Variants in SMYD3 observed in about 807,000 individuals in gnomAD.
SMYD3 encodes the protein SET and MYND domain containing 3.
SMYD3 carries 36 observed loss-of-function variants against 57.7 expected under a neutral mutation model. That is an observed-to-expected ratio of 0.62 (90% CI 0.48 to 0.82). The LOEUF (loss-of-function observed/expected upper bound fraction) is 0.82. SMYD3 is among the 40% of genes least tolerant of loss of function. The pLI, the probability that SMYD3 is intolerant of heterozygous loss-of-function variation, is 0.00. For synonymous variants in SMYD3, 211 were observed against 195.0 expected, an observed-to-expected ratio of 1.08 and a Z score of -0.68; for missense variants, 515 against 538.8, an observed-to-expected ratio of 0.96 and a Z score of 0.44.
intron 5 of SMYD3, among the ~76,000 whole-genome samples, chr1:246,180,178 T>A (rs1408337177): frequency 6.8e-6 from 1 of 148,066 alleles, no homozygotes; most frequent in African/African-American, 2.5e-5. Flanking sequence ...AAAATATATA[T>A]CTACATATAG....
chr1:246,114,091 A>G (rs2061302830), intron 5 of SMYD3, among the ~76,000 whole-genome samples: 1 of 152,122 alleles, frequency 6.6e-6, no homozygotes, highest in African/African-American at 2.4e-5. Flanking sequence ...GAACCCCATT[A>G]TCAGGAGGAG....
intron 7 of SMYD3, among the ~76,000 whole-genome samples, chr1:245,921,067 T>C (rs1028988632): frequency 2.0e-5 from 3 of 152,078 alleles, no homozygotes; most frequent in African/African-American, 7.2e-5. Flanking sequence ...CCAGAATCTA[T>C]AAGGAACTTA....
At chr1:246,070,419 C>T (rs546588975) in intron 5 of SMYD3, among the ~76,000 whole-genome samples, 1 of 152,174 alleles carries the variant, frequency 6.6e-6, no homozygotes, top group Non-Finnish European at 1.5e-5. Flanking sequence ...ACTTTATACA[C>T]GTATCCATCT....
At position 246,181,500 on chromosome 1, in the gene SMYD3, G is replaced by A. The variant is rs2062551032; in HGVS notation, c.531+145701C>T. On this transcript the variant is annotated intron_variant, in intron 5 of 11. Coordinates refer to ENST00000490107, the MANE Select transcript of SMYD3 (RefSeq NM_001167740.2). ...CCTGTCTGACATCTAGAGGACTCAG[G>A]AAATTCAAAGAAAATACTATAAATT... is the stretch of plus-strand genomic sequence containing the variant. Among the ~76,000 whole-genome samples the A allele has an allele frequency of 2.0e-5, 3 of 152,176 alleles. No individual in the cohort carries two copies. In the South Asian group the frequency reaches 6.2e-4, roughly 32 times the overall value.
At chr1:246,287,884 AGGGCTG>A in intron 5 of SMYD3, among the ~76,000 whole-genome samples, 1 of 152,226 alleles carries the variant, frequency 6.6e-6, no homozygotes, top group Middle Eastern at 3.4e-3. Context: ...TTTTAAAATG[AGGGCTG>A]AAAACGGAAT....
intron 1 of SMYD3, among the ~76,000 whole-genome samples, chr1:246,402,381 T>TTTTTTTTTTTTTTTTTTTTTTTTTTGAG (rs1239559421): frequency 6.6e-6 from 1 of 151,500 alleles, no homozygotes; most frequent in African/African-American, 2.4e-5. Flanking sequence ...AACGCCATCT[T>TTTTTTTTTTTTTTTTTTTTTTTTTTGAG]AAAGATGATC....
intron 5 of SMYD3, among the ~76,000 whole-genome samples, chr1:245,967,935 G>A (rs1169162678): frequency 6.6e-6 from 1 of 151,974 alleles, no homozygotes; most frequent in African/African-American, 2.4e-5. Context: ...TTTAACTTTT[G>A]AGCATCCACT....
intron 10 of SMYD3, among the ~76,000 whole-genome samples, chr1:245,780,228 T>C (rs1020797846): frequency 1.3e-5 from 2 of 152,230 alleles, no homozygotes; most frequent in African/African-American, 4.8e-5. Context: ...TGTATACGAA[T>C]GTTTATAGCA....
At chr1:246,265,737 G>A (rs1233895133) in intron 5 of SMYD3, among the ~76,000 whole-genome samples, 1 of 152,198 alleles carries the variant, frequency 6.6e-6, no homozygotes, top group Non-Finnish European at 1.5e-5. Context: ...CATCCAGCCT[G>A]TATGAGCCTT....
intron 5 of SMYD3, among the ~76,000 whole-genome samples, chr1:246,165,933 T>C (rs754834570): frequency 2.0e-5 from 3 of 152,032 alleles, no homozygotes; most frequent in South Asian, 2.1e-4. Context: ...ATAATTTCAG[T>C]AACCTAAGAG....
At chr1:246,311,121 C>T (rs1429660163) in intron 5 of SMYD3, among the ~76,000 whole-genome samples, 6 of 152,148 alleles carry the variant, frequency 3.9e-5, no homozygotes, top group Non-Finnish European at 8.8e-5. Flanking sequence ...TTCAAAAGAA[C>T]TTTTAAATAC....
intron 5 of SMYD3, among the ~76,000 whole-genome samples, chr1:246,116,660 T>C (rs1360965002): frequency 6.6e-6 from 1 of 152,172 alleles, no homozygotes; most frequent in Non-Finnish European, 1.5e-5. Flanking sequence ...AAAAGAAATA[T>C]AGAATATTAA....
intron 5 of SMYD3, among the ~76,000 whole-genome samples, chr1:246,177,087 T>C (rs545090687): frequency 6.6e-6 from 1 of 152,348 alleles, no homozygotes; most frequent in African/African-American, 2.4e-5. Flanking sequence ...TCTATGATTT[T>C]ATTTATGGCT....
At chr1:245,895,763 C>G (rs1194158638) in intron 8 of SMYD3, among the ~76,000 whole-genome samples, 3 of 152,220 alleles carry the variant, frequency 2.0e-5, no homozygotes, top group African/African-American at 7.2e-5. Context: ...CAAGGCAGTT[C>G]CCACACAGCA....
At chr1:245,863,970 A>C in intron 8 of SMYD3, 84 bp from the exon 9 acceptor site, 2 of 1,240,620 alleles carry the variant, frequency 1.6e-6, no homozygotes, top group Non-Finnish European at 2.3e-6. Flanking sequence ...AGATATACAA[A>C]TGGCCTGCAA....
chr1:246,404,560 C>T (rs1485606567), intron 1 of SMYD3, among the ~76,000 whole-genome samples: 1 of 152,168 alleles, frequency 6.6e-6, no homozygotes, highest in Admixed American at 6.5e-5. Flanking sequence ...CTAAAAAGTA[C>T]AGTGAGGAGT....
At chr1:246,455,548 G>A (rs767549693) in intron 1 of SMYD3, among the ~76,000 whole-genome samples, 19 of 152,168 alleles carry the variant, frequency 1.2e-4, no homozygotes, top group Non-Finnish European at 2.1e-4. Context: ...GGGACACTGA[G>A]CCTCCAAATG....
intron 5 of SMYD3, among the ~76,000 whole-genome samples, chr1:246,268,783 G>A (rs1453788291): frequency 2.0e-5 from 3 of 152,148 alleles, no homozygotes; most frequent in Non-Finnish European, 4.4e-5. Context: ...GGGCTGCTCT[G>A]TCTATGGAGT....
intron 5 of SMYD3, among the ~76,000 whole-genome samples, chr1:246,168,000 T>C (rs2062251361): frequency 6.6e-6 from 1 of 152,168 alleles, no homozygotes; most frequent in Non-Finnish European, 1.5e-5. Flanking sequence ...CTATGCATAC[T>C]CCTTTAAACA....
Sources: gnomAD v4.1 joint callset for allele counts (sites outside exome capture counted in the v4.1 genomes callset) on GRCh38, gnomAD v4.1.1 for gene constraint, MANE v1.5 for transcripts, NCBI Gene and HGNC (gene_info 2026-07-23, HGNC 2026-07-21) for gene names.